CCDC63: variants seen among roughly 807,000 people sequenced by gnomAD.
CCDC63 encodes the protein coiled-coil domain containing 63, also known as coiled-coil domain-containing protein 63.
In CCDC63, 54 loss-of-function variants were observed where a neutral mutation model predicts 63.6. The observed-to-expected ratio is 0.85, with a 90% CI of 0.68 to 1.07. CCDC63 has a LOEUF of 1.07. CCDC63 is among the 50% of genes least tolerant of loss of function. The pLI is 0.00. For missense variants in CCDC63, 637 were observed against 689.6 expected (o/e 0.92, Z 0.86); for synonymous variants, 253 against 266.1 (o/e 0.95, Z 0.48).
chr12:110,881,090 C>A, intron 6 of CCDC63, 25 bp from the exon 7 acceptor site: 1 of 1,571,496 alleles, frequency 6.4e-7, no homozygotes, highest in South Asian at 1.2e-5. Flanking sequence ...CTCAGATGCT[C>A]AGGCTCTGTA....
Position 110,852,810 on chromosome 12 carries a change from C to A in CCDC63, c.-96-49C>A, listed in dbSNP as rs1370962156. 3 of 1,277,528 alleles carry A rather than the reference C, an allele frequency of 2.3e-6. No homozygotes were observed. The South Asian group carries it at 3.7e-5, about 16-fold the overall frequency. 79.1% of individuals were successfully genotyped at this position (1,277,528 alleles called of 1,614,324 possible). A position where few individuals can be genotyped will look rare whatever the true frequency, so the allele number is the denominator to read the frequency against. Reference sequence around the variant, plus strand: ...AGGAGGTGCCGTTCTGACCTGCACCCCCAGCAGGGGTGGCTTACAAGTTCT... The same window carrying A: ...AGGAGGTGCCGTTCTGACCTGCACCACCAGCAGGGGTGGCTTACAAGTTCT... On this transcript the variant is annotated intron_variant, in intron 1 of 11. Transcript: ENST00000308208.
At chr12:110,897,229 G>A (rs550997611) in intron 9 of CCDC63, among the ~76,000 whole-genome samples, 146 of 151,138 alleles carry the variant, frequency 9.7e-4, no homozygotes, top group African/African-American at 3.5e-3. Context: ...GAGCCCAGGA[G>A]TTTGAGACCA....
rs372114972 is a variant in CCDC63 at position 110,880,987 on chromosome 12, C to T, written c.672-128C>T. On this transcript the variant is annotated intron_variant, in intron 6 of 11. Coordinates refer to ENST00000308208, the MANE Select transcript of CCDC63 (RefSeq NM_152591.3). The stretch of plus-strand genomic sequence containing the variant: ...GGTAAGGAGGATTGTTTTTACACAC[C>T]GAGAAACCTTTATGATAAATAAAAG... 4.7e-4 allele frequency: 383 copies of T among 814,956 alleles called. 3 individuals carry two copies. The East Asian group carries it at 8.1e-3, about 17-fold the overall frequency. 50.5% of individuals were successfully genotyped at this position (814,956 alleles called of 1,614,324 possible).
intron 4 of CCDC63, among the ~76,000 whole-genome samples, chr12:110,862,494 G>A (rs2070868653): frequency 1.3e-5 from 2 of 152,220 alleles, no homozygotes. Flanking sequence ...CTCCCATTGT[G>A]CAGAGGCTGA....
chr12:110,868,734 G>A (rs1166083389), intron 4 of CCDC63, among the ~76,000 whole-genome samples: 2 of 113,304 alleles, frequency 1.8e-5, no homozygotes, highest in African/African-American at 6.8e-5. Context: ...GGAGAGGGAG[G>A]GAGAGGGAGA....
At chr12:110,878,493 T>G (rs1481621842) in intron 5 of CCDC63, among the ~76,000 whole-genome samples, 1 of 152,112 alleles carries the variant, frequency 6.6e-6, no homozygotes, top group Non-Finnish European at 1.5e-5. Context: ...TTTTGTATTT[T>G]TAGTTGAGAC....
chr12:110,885,189 AAAGAG>A (rs772490221), intron 8 of CCDC63, among the ~76,000 whole-genome samples: 14 of 149,200 alleles, frequency 9.4e-5, no homozygotes, highest in Non-Finnish European at 1.8e-4. Flanking sequence ...GAAAAAAAAA[AAAGAG>A]AGAGAGAGAA....
chr12:110,904,635 A>G lies in CCDC63; in HGVS notation c.1390A>G (p.Arg464Gly). The G allele has an allele frequency of 6.2e-7, 1 of 1,614,070 alleles. No homozygotes were observed. Among genetic ancestry groups the G allele is most frequent in the Non-Finnish European group, 8.5e-7 (1 of 1,180,010 alleles). ...TNDLLLLETY[R>G]RILEVEGAEA... ...CGACCTGCTGCTGTTGGAGACCTAC[A>G]GGCGCATCCTGGAAGTGGAAGGGGC... is the stretch of plus-strand genomic sequence containing the variant. Residue 464 changes from arginine (R) to glycine (G), a missense_variant, in exon 11 of 12, where the codon AGG becomes GGG. Transcript: ENST00000308208.
At position 110,884,852 on chromosome 12, in the gene CCDC63, ATTTTTTTT is replaced by A. The variant is rs34391026; in HGVS notation, c.1074+613_1074+620del. Among the ~76,000 whole-genome samples, 52 of 130,686 alleles carry A rather than the reference ATTTTTTTT, an allele frequency of 4.0e-4. No homozygotes were observed. In the South Asian group the frequency reaches 0.012, roughly 29 times the overall value. 85.7% of individuals were successfully genotyped at this position (130,686 alleles called of 152,430 possible). ...CAGGTGCCCGCCACGACGCCCTGCT[ATTTTTTTT>A]TTTTTTTTTTGTATTTTTAGTAGAG... On this transcript the variant is annotated intron_variant, in intron 8 of 11. Transcript: ENST00000308208.
rs114873280 is a variant in CCDC63 at position 110,884,367 on chromosome 12, C to T, written c.1074+117C>T. 8.0e-4 allele frequency: 572 copies of T among 715,936 alleles called. 7 individuals are homozygous for T. The African/African-American group carries it at 8.8e-3, about 11-fold the overall frequency. 44.3% of individuals were successfully genotyped at this position (715,936 alleles called of 1,614,324 possible). On this transcript the variant is annotated intron_variant, in intron 8 of 11. Transcript: ENST00000308208. ...CTACAGAAAGCAGTTTGGCCAACAC[C>T]GCTCTATTCCCCTTACATTTTATGT...
chr12:110,861,533 T>C (rs2070853179), intron 4 of CCDC63, among the ~76,000 whole-genome samples: 1 of 152,080 alleles, frequency 6.6e-6, no homozygotes, highest in South Asian at 2.1e-4. Context: ...CTGTCCTCTT[T>C]GCTTGGAGAC....
At chr12:110,861,640 C>T (rs77378528) in intron 4 of CCDC63, among the ~76,000 whole-genome samples, 6 of 151,992 alleles carry the variant, frequency 3.9e-5, no homozygotes, top group East Asian at 1.9e-4. Context: ...GGTGCGATCT[C>T]GGCTCACTGC....
intron 1 of CCDC63, among the ~76,000 whole-genome samples, chr12:110,847,851 A>T (rs61944262): frequency 0.014 from 2,073 of 152,296 alleles, 16 homozygotes; most frequent in Non-Finnish European, 0.014. Context: ...TCAGAAGCAG[A>T]TGAGGTGCAG....
chr12:110,890,632 GACAC>G (rs897317451), intron 8 of CCDC63, among the ~76,000 whole-genome samples: 4 of 124,960 alleles, frequency 3.2e-5, no homozygotes, highest in East Asian at 4.1e-4. Context: ...CACATAGACA[GACAC>G]ACACACACAC....
intron 7 of CCDC63, among the ~76,000 whole-genome samples, chr12:110,883,685 G>C (rs771880269): frequency 5.9e-5 from 9 of 152,102 alleles, no homozygotes; most frequent in Non-Finnish European, 7.4e-5. Flanking sequence ...CATCGCCCAG[G>C]CTGGAGTGCA....
chr12:110,887,625 T>TA (rs980663697), intron 8 of CCDC63, among the ~76,000 whole-genome samples: 7 of 152,028 alleles, frequency 4.6e-5, no homozygotes, highest in African/African-American at 1.5e-4. Context: ...GGGATCAGGT[T>TA]AAAAAAATTT....
At chr12:110,867,258 T>C (rs2070972978) in intron 4 of CCDC63, among the ~76,000 whole-genome samples, 1 of 103,712 alleles carries the variant, frequency 9.6e-6, no homozygotes, top group Non-Finnish European at 2.0e-5. Context: ...ACGGGGCGGC[T>C]GGCCGGGCAG....
At chr12:110,872,717 C>T (rs941187032) in intron 4 of CCDC63, among the ~76,000 whole-genome samples, 4 of 152,080 alleles carry the variant, frequency 2.6e-5, no homozygotes, top group Admixed American at 6.5e-5. Flanking sequence ...CTTCGACCTC[C>T]TAGGCTCAAG....
intron 4 of CCDC63, among the ~76,000 whole-genome samples, chr12:110,873,543 G>A (rs1252242679): frequency 6.6e-6 from 1 of 152,178 alleles, no homozygotes; most frequent in Non-Finnish European, 1.5e-5. Flanking sequence ...GTGTATAAAT[G>A]TCACAGGTGA....
Sources: gnomAD v4.1 joint callset for allele counts (sites outside exome capture counted in the v4.1 genomes callset) on GRCh38, gnomAD v4.1.1 for gene constraint, MANE v1.5 for transcripts, NCBI Gene and HGNC (gene_info 2026-07-23, HGNC 2026-07-21) for gene names.